NALCN: variants seen among roughly 807,000 people sequenced by gnomAD.
The protein encoded by NALCN is sodium leak channel, non-selective, also known as sodium leak channel NALCN.
A neutral mutation model predicts 225.3 loss-of-function variants in NALCN; 111 were observed. The observed-to-expected ratio is 0.49, with a 90% confidence interval of 0.42 to 0.58. The LOEUF is 0.58. Among genes scored for constraint, NALCN ranks in the 20% least tolerant of loss-of-function variants. The probability of loss-of-function intolerance (pLI) is 0.00; values close to 1 mark genes in which losing one functional copy is unlikely to be tolerated. For synonymous variants in NALCN, 764 were observed against 769.0 expected (o/e 0.99, Z 0.11); for missense variants, 1,378 against 2,202.4 (o/e 0.63, Z 7.49).
intron 11 of NALCN, among the ~76,000 whole-genome samples, 169 bp downstream of exon 11, chr13:101,258,274 A>T (rs926676601): frequency 6.6e-6 from 1 of 152,160 alleles, no homozygotes; most frequent in African/African-American, 2.4e-5. Context: ...CAGGAAATGA[A>T]TCAGGCCACA....
intron 6 of NALCN, chr13:101,373,116 C>A: frequency 2.7e-6 from 1 of 376,008 alleles, no homozygotes; most frequent in Non-Finnish European, 5.3e-6. Context: ...GCAAAATTTA[C>A]CAACTTAACA....
Position 101,158,379 on chromosome 13 carries a change from C to T in NALCN, c.1840-13483G>A, listed in dbSNP as rs2038006430. On this transcript the variant is annotated intron_variant, in intron 15 of 43. Coordinates refer to ENST00000251127, the MANE Select transcript of NALCN (RefSeq NM_052867.4). ...TTGGCTTGGCCTCTGCCTGTGCAGC[C>T]CTCTGCCTCCCCAACCTTCCTCTAA... 4.6e-5 allele frequency among the ~76,000 whole-genome samples: 7 copies of T among 152,342 alleles called. No homozygotes were observed. In the South Asian group the frequency reaches 1.4e-3, roughly 32 times the overall value.
chr13:101,412,517 GCTGCCTTGCC>G (rs2047819780), intron 1 of NALCN, among the ~76,000 whole-genome samples: 1 of 152,168 alleles, frequency 6.6e-6, no homozygotes, highest in South Asian at 2.1e-4. Flanking sequence ...TTCCGGTATG[GCTGCCTTGCC>G]CTGGGATCTC....
intron 6 of NALCN, among the ~76,000 whole-genome samples, chr13:101,367,515 T>G (rs2046411364): frequency 6.6e-6 from 1 of 152,146 alleles, no homozygotes; most frequent in Admixed American, 6.6e-5. Context: ...TCTTCCTCTT[T>G]TATCCCTAGT....
intron 43 of NALCN, chr13:101,056,871 G>A (rs573662783): frequency 1.1e-4 from 16 of 152,260 alleles, no homozygotes; most frequent in African/African-American, 3.9e-4. Flanking sequence ...AAATTGAACC[G>A]ACTCAGCTTG....
At chr13:101,156,131 T>C (rs901196001) in intron 15 of NALCN, among the ~76,000 whole-genome samples, 1 of 152,178 alleles carries the variant, frequency 6.6e-6, no homozygotes, top group Non-Finnish European at 1.5e-5. Context: ...CTGGGGGCAC[T>C]TTCAGTCGGC....
Position 101,104,499 on chromosome 13 carries a change from T to C in NALCN, c.2757+31A>G. ...AGGTCAGTATTTTACCTCCTAGTTG[T>C]AAGCTGAGATTTTGCAGCGGTAAGC... On this transcript the variant is annotated intron_variant, in intron 24 of 43. Coordinates refer to ENST00000251127, the MANE Select transcript of NALCN (RefSeq NM_052867.4). This position sits in a 1 kb window ranked among gnomAD's most constrained non-coding sequence, Gnocchi z 4.2. 2 of 1,613,702 alleles carry C rather than the reference T, an allele frequency of 1.2e-6. No individual in the cohort carries two copies. The highest frequency in any genetic ancestry group is 2.2e-5 in the East Asian group (1 of 44,852).
At chr13:101,373,146 T>G (rs2046588625) in intron 6 of NALCN, 1 of 297,594 alleles carries the variant, frequency 3.4e-6, no homozygotes, top group African/African-American at 2.3e-5. Context: ...AGATAACAAC[T>G]CCATAGCTCT....
intron 17 of NALCN, among the ~76,000 whole-genome samples, chr13:101,128,471 C>A (rs1204240100): frequency 6.6e-6 from 1 of 152,082 alleles, no homozygotes; most frequent in Admixed American, 6.6e-5. Flanking sequence ...TTGGCGATGT[C>A]TTCTAATTAA....
At chr13:101,245,456 C>T (rs2041865954) in intron 11 of NALCN, among the ~76,000 whole-genome samples, 3 of 152,108 alleles carry the variant, frequency 2.0e-5, no homozygotes, top group Admixed American at 1.3e-4. Flanking sequence ...TTCTTAATCA[C>T]CACCTCATGG....
intron 16 of NALCN, among the ~76,000 whole-genome samples, chr13:101,143,772 T>G (rs953068006): frequency 2.0e-5 from 3 of 152,210 alleles, no homozygotes; most frequent in Non-Finnish European, 2.9e-5. Context: ...CCCAGTTTTT[T>G]GAATCTTATT....
At chr13:101,069,574 T>A (rs551356028) in intron 37 of NALCN, among the ~76,000 whole-genome samples, 4 of 152,264 alleles carry the variant, frequency 2.6e-5, no homozygotes, top group Admixed American at 2.0e-4. Context: ...TTAAAACAAG[T>A]CAACATGGAA....
chr13:101,120,076 C>A (rs1170374835), intron 18 of NALCN, among the ~76,000 whole-genome samples: 1 of 152,200 alleles, frequency 6.6e-6, no homozygotes, highest in Non-Finnish European at 1.5e-5. Flanking sequence ...TTACATACCT[C>A]AGGCTCTAGG....
chr13:101,337,685 C>T (rs918357558), intron 7 of NALCN, among the ~76,000 whole-genome samples: 3 of 152,190 alleles, frequency 2.0e-5, no homozygotes, highest in African/African-American at 7.2e-5. Context: ...GGATATGCCA[C>T]TATGGCAGGT....
At chr13:101,321,148 C>T (rs553611223) in intron 7 of NALCN, among the ~76,000 whole-genome samples, 1 of 152,158 alleles carries the variant, frequency 6.6e-6, no homozygotes. Context: ...ATGTACGATT[C>T]TGAATTCTAG....
intron 6 of NALCN, among the ~76,000 whole-genome samples, chr13:101,363,640 C>G (rs1451868148): frequency 2.6e-5 from 4 of 152,030 alleles, no homozygotes; most frequent in Non-Finnish European, 4.4e-5. Context: ...TAGAAGAAAA[C>G]ATTGGGTAAA....
Position 101,352,470 on chromosome 13 carries a change from AAG to A in NALCN, c.645-7052_645-7051del, listed in dbSNP as rs1247879838. ...TGAGAGAGAGAGAGTGACAGAAAGA[AAG>A]AGAGAGAGAAAGAGAGAGACCTTTT... On this transcript the variant is annotated intron_variant, in intron 6 of 43. Transcript: ENST00000251127. 6.6e-5 allele frequency among the ~76,000 whole-genome samples: 10 copies of A among 152,264 alleles called. No homozygotes were observed. The East Asian group carries it at 1.4e-3, about 21-fold the overall frequency.
intron 2 of NALCN, among the ~76,000 whole-genome samples, chr13:101,397,501 G>T (rs554717806): frequency 4.0e-4 from 61 of 150,816 alleles, no homozygotes; most frequent in African/African-American, 1.5e-3. Flanking sequence ...ATATGCATAT[G>T]CGACATGTAT....
At chr13:101,122,995 C>T (rs1172401747) in intron 18 of NALCN, among the ~76,000 whole-genome samples, 1 of 152,140 alleles carries the variant, frequency 6.6e-6, no homozygotes, top group Non-Finnish European at 1.5e-5. Flanking sequence ...TTAATACACG[C>T]CATAGTTTCC....
Sources: allele counts gnomAD v4.1 joint callset (sites outside exome capture counted in the v4.1 genomes callset), GRCh38; gene constraint gnomAD v4.1.1; non-coding constraint Gnocchi (gnomAD v3.1); transcripts MANE v1.5; gene names NCBI Gene and HGNC (gene_info 2026-07-23, HGNC 2026-07-21).